Variants in FHIT observed in about 807,000 individuals in gnomAD.
FHIT encodes the protein fragile histidine triad diadenosine triphosphatase.
Under a neutral mutation model 17.9 loss-of-function variants are expected in FHIT, and 19 were observed. The observed-to-expected ratio is 1.06, with a 90% CI of 0.74 to 1.56. FHIT has a LOEUF of 1.56. Among genes scored for constraint, FHIT ranks in the 40% most tolerant of loss-of-function variants. The pLI is 0.00. For missense variants in FHIT, 248 were observed against 189.2 expected, an observed-to-expected ratio of 1.31 and a Z score of -1.82; for synonymous variants, 81 against 69.7, an observed-to-expected ratio of 1.16 and a Z score of -0.81.
intron 1 of FHIT, among the ~76,000 whole-genome samples, chr3:61,229,981 G>T (rs1465109488): frequency 2.0e-5 from 3 of 152,108 alleles, no homozygotes; most frequent in Non-Finnish European, 4.4e-5. Context: ...TCCTTAGGCA[G>T]GTTAACCCAG....
At chr3:60,975,322 G>C (rs1429205405) in intron 3 of FHIT, among the ~76,000 whole-genome samples, 1 of 152,146 alleles carries the variant, frequency 6.6e-6, no homozygotes, top group Non-Finnish European at 1.5e-5. Context: ...GTGAGTCATG[G>C]TAACTGAAAA....
chr3:60,139,369 T>C (rs1699939754), intron 5 of FHIT, among the ~76,000 whole-genome samples: 1 of 121,126 alleles, frequency 8.3e-6, no homozygotes, highest in Admixed American at 9.3e-5. Flanking sequence ...GACAGACTAA[T>C]TTAACCAGAG....
intron 5 of FHIT, among the ~76,000 whole-genome samples, chr3:60,277,306 G>A (rs1432235594): frequency 2.6e-5 from 4 of 152,040 alleles, no homozygotes; most frequent in Non-Finnish European, 4.4e-5. Context: ...TCCTCCGTAA[G>A]GTTTTCCTTT....
At chr3:60,122,997 G>C (rs2107227962) in intron 5 of FHIT, among the ~76,000 whole-genome samples, 1 of 152,228 alleles carries the variant, frequency 6.6e-6, no homozygotes, top group Non-Finnish European at 1.5e-5. Flanking sequence ...GTAATGGGCT[G>C]GTATAATTGT....
chr3:60,491,142 A>G (rs13099360), intron 5 of FHIT, among the ~76,000 whole-genome samples: 14,892 of 152,220 alleles, frequency 0.098, 1,108 homozygotes, highest in African/African-American at 0.21. Context: ...ATAAGCTCAG[A>G]TCTGAAAGGT....
At chr3:60,341,790 G>C (rs72875036) in intron 5 of FHIT, among the ~76,000 whole-genome samples, 1 of 152,184 alleles carries the variant, frequency 6.6e-6, no homozygotes, top group African/African-American at 2.4e-5. Context: ...TTTAGTGCGA[G>C]GTAACCAAAG....
At chr3:60,006,748 C>A (rs964230103) in intron 7 of FHIT, among the ~76,000 whole-genome samples, 12 of 151,682 alleles carry the variant, frequency 7.9e-5, no homozygotes, top group Non-Finnish European at 2.9e-5. Flanking sequence ...ATATTCCTAA[C>A]GGAACCTCTG....
intron 4 of FHIT, among the ~76,000 whole-genome samples, chr3:60,674,112 C>T (rs535928628): frequency 2.0e-5 from 3 of 152,130 alleles, no homozygotes; most frequent in East Asian, 3.9e-4. Flanking sequence ...TCCTCCTGTT[C>T]TTCAGATCAG....
At chr3:60,704,957 T>G (rs535653459) in intron 4 of FHIT, among the ~76,000 whole-genome samples, 1 of 152,174 alleles carries the variant, frequency 6.6e-6, no homozygotes, top group Non-Finnish European at 1.5e-5. Flanking sequence ...ACTGCCACTC[T>G]GTCCAAGAGA....
chr3:60,405,681 A>G (rs1346779473), intron 5 of FHIT, among the ~76,000 whole-genome samples: 4 of 152,152 alleles, frequency 2.6e-5, no homozygotes, highest in Non-Finnish European at 5.9e-5. Flanking sequence ...ACCAAGAAAA[A>G]TCCTGCATAC....
chr3:61,037,732 T>C (rs1171958754), intron 3 of FHIT, among the ~76,000 whole-genome samples: 2 of 152,374 alleles, frequency 1.3e-5, no homozygotes, highest in South Asian at 4.1e-4. Flanking sequence ...CTCACTCATG[T>C]GTGCATGTCT....
intron 5 of FHIT, among the ~76,000 whole-genome samples, chr3:60,308,632 T>C (rs1221502761): frequency 2.6e-5 from 4 of 151,926 alleles, no homozygotes; most frequent in Admixed American, 2.0e-4. Context: ...TATATTTGCA[T>C]GAGAGCATGA....
chr3:60,256,975 T>C (rs924160382), intron 5 of FHIT, among the ~76,000 whole-genome samples: 9 of 152,242 alleles, frequency 5.9e-5, no homozygotes, highest in Non-Finnish European at 8.8e-5. Flanking sequence ...CTAATAGTAA[T>C]GCAAAATATT....
chr3:60,357,317 G>C (rs534922286), intron 5 of FHIT, among the ~76,000 whole-genome samples: 1 of 152,082 alleles, frequency 6.6e-6, no homozygotes, highest in Non-Finnish European at 1.5e-5. Context: ...AAGCTCAAGC[G>C]ATTCTCCTGC....
At chr3:60,663,869 T>A (rs782650248) in intron 4 of FHIT, among the ~76,000 whole-genome samples, 3 of 152,240 alleles carry the variant, frequency 2.0e-5, no homozygotes, top group Admixed American at 2.0e-4. Flanking sequence ...GCACCCTTGC[T>A]GAACTCACTT....
At chr3:60,551,299 G>C (rs2036538885) in intron 4 of FHIT, among the ~76,000 whole-genome samples, 1 of 149,766 alleles carries the variant, frequency 6.7e-6, no homozygotes, top group South Asian at 2.1e-4. Flanking sequence ...GTCTAAATTT[G>C]ACTTTCAAAA....
At chr3:60,724,898 C>T (rs1036145961) in intron 4 of FHIT, among the ~76,000 whole-genome samples, 2 of 152,156 alleles carry the variant, frequency 1.3e-5, no homozygotes, top group South Asian at 2.1e-4. Flanking sequence ...ATCTTCCCGC[C>T]TCAGCCTCCC....
At chr3:60,117,589 T>C (rs747310758) in intron 5 of FHIT, among the ~76,000 whole-genome samples, 6 of 151,718 alleles carry the variant, frequency 4.0e-5, no homozygotes, top group Admixed American at 2.0e-4. Flanking sequence ...CTATGGTTAA[T>C]TGGGAAAAAT....
intron 1 of FHIT, among the ~76,000 whole-genome samples, chr3:61,227,745 G>T (rs1019578835): frequency 3.9e-5 from 6 of 152,032 alleles, no homozygotes; most frequent in African/African-American, 1.4e-4. Context: ...TTTTCCATGG[G>T]ATCAACAAAT....
Sources: gnomAD v4.1 joint callset for allele counts (sites outside exome capture counted in the v4.1 genomes callset) on GRCh38, gnomAD v4.1.1 for gene constraint, MANE v1.5 for transcripts, NCBI Gene and HGNC (gene_info 2026-07-23, HGNC 2026-07-21) for gene names.